Variants in UBE2K observed in about 807,000 individuals in gnomAD.
UBE2K encodes the protein ubiquitin conjugating enzyme E2 K, also known as ubiquitin-conjugating enzyme E2 K.
In UBE2K, 6 loss-of-function variants were observed where a neutral mutation model predicts 30.0. The observed-to-expected ratio is 0.20, with a 90% CI of 0.11 to 0.39. The LOEUF is 0.39. Ranked by LOEUF, UBE2K falls within the 10% of genes least tolerant of loss-of-function variation. UBE2K has a pLI of 1.00. For synonymous variants in UBE2K, 86 were observed against 83.7 expected (o/e 1.03, Z -0.15); for missense variants, 61 against 241.6 (o/e 0.25, Z 4.96).
chr4:39,774,741 A>C, intron 4 of UBE2K, 93 bp from the exon 5 acceptor site: 1 of 566,542 alleles, frequency 1.8e-6, no homozygotes, highest in Non-Finnish European at 2.8e-6. Flanking sequence ...AGTAACTTTT[A>C]GCTCTACAAT....
Position 39,777,810 on chromosome 4 carries a change from G to T in UBE2K, c.528G>T (p.Arg176Ser). 6.7e-7 allele frequency: 1 copy of T among 1,482,614 alleles called. No individual in the cohort carries two copies. The highest frequency in any genetic ancestry group is 8.9e-7 in the Non-Finnish European group (1 of 1,121,814). 91.8% of individuals were successfully genotyped at this position (1,482,614 alleles called of 1,614,324 possible). A position where few individuals can be genotyped will look rare whatever the true frequency, so the allele number is the denominator to read the frequency against. Residue 176 changes from arginine to serine, a missense_variant and splice_region_variant, in exon 6 of 7, where the codon AGG becomes AGT. Transcript: ENST00000261427. ...IENLCAMGFD[R>S]NAVIVALSSK... Reference sequence around the variant, plus strand: ...ACCTATGTGCTATGGGCTTTGATAGGGTAAGTACATAAGGGCATGTTGATT... The same window carrying T: ...ACCTATGTGCTATGGGCTTTGATAGTGTAAGTACATAAGGGCATGTTGATT...
chr4:39,738,402 TAGCCTTTGTCTTCAA>T (rs1360770309), intron 2 of UBE2K, among the ~76,000 whole-genome samples: 1 of 152,234 alleles, frequency 6.6e-6, no homozygotes, highest in Admixed American at 6.5e-5. Context: ...GCACAACTGA[TAGCCTTTGTCTTCAA>T]AGCCTGTGCT....
chr4:39,724,958 T>C (rs1223533682), intron 1 of UBE2K, among the ~76,000 whole-genome samples: 2 of 152,220 alleles, frequency 1.3e-5, no homozygotes, highest in Non-Finnish European at 2.9e-5. Flanking sequence ...CTTTGTTGTC[T>C]TGGGGTTCCT....
At chr4:39,736,244 C>T (rs1316165525) in intron 1 of UBE2K, among the ~76,000 whole-genome samples, 1 of 152,102 alleles carries the variant, frequency 6.6e-6, no homozygotes, top group East Asian at 1.9e-4. Context: ...GGGCGTATCG[C>T]GAGGTCAGGA....
rs911995337 is a variant in UBE2K at position 39,781,672 on chromosome 4, G to A, written c.*3238G>A. 2 of 357,508 alleles carry A rather than the reference G, an allele frequency of 5.6e-6. No homozygotes were observed. The highest frequency in any genetic ancestry group is 4.2e-5 in the African/African-American group (2 of 47,836). The allele number at this position is 357,508 out of a possible 1,614,324, so 22.1% of individuals were successfully genotyped here. A position where few individuals can be genotyped will look rare whatever the true frequency, so the allele number is the denominator to read the frequency against. The stretch of plus-strand genomic sequence containing the variant: ...AGATGGATTGGGGTAGGGAACAGCT[G>A]GAGCCAGGTATACCTTCTAGTATGT... On this transcript the variant is annotated 3_prime_UTR_variant, in exon 7 of 7. Transcript: ENST00000261427.
chr4:39,725,589 A>G (rs1243596058), intron 1 of UBE2K, among the ~76,000 whole-genome samples: 1 of 151,964 alleles, frequency 6.6e-6, no homozygotes, highest in Non-Finnish European at 1.5e-5. Context: ...CAGTTGGTTA[A>G]CCTCTGGTGA....
intron 1 of UBE2K, among the ~76,000 whole-genome samples, chr4:39,722,662 G>A (rs750924729): frequency 1.3e-4 from 20 of 151,352 alleles, no homozygotes; most frequent in East Asian, 2.0e-4. Flanking sequence ...CTGAGTACCC[G>A]GAGAAAACCC....
intron 1 of UBE2K, among the ~76,000 whole-genome samples, chr4:39,699,861 T>C (rs948719664): frequency 9.2e-5 from 14 of 152,190 alleles, no homozygotes; most frequent in African/African-American, 3.4e-4. Flanking sequence ...TGTTTGTTCA[T>C]ATGCCAAAAC....
intron 1 of UBE2K, among the ~76,000 whole-genome samples, chr4:39,723,400 G>A (rs1322085068): frequency 8.7e-6 from 1 of 115,520 alleles, no homozygotes; most frequent in Non-Finnish European, 1.7e-5. Context: ...ACTGAGTCTC[G>A]CCCTGTTGCC....
intron 1 of UBE2K, among the ~76,000 whole-genome samples, chr4:39,730,174 G>C (rs1406437607): frequency 1.3e-5 from 2 of 152,072 alleles, no homozygotes; most frequent in East Asian, 3.9e-4. Flanking sequence ...AAGTTTGACA[G>C]AAGTCCAGAA....
intron 1 of UBE2K, among the ~76,000 whole-genome samples, chr4:39,711,884 A>G (rs1297835977): frequency 6.6e-6 from 1 of 151,678 alleles, no homozygotes; most frequent in Non-Finnish European, 1.5e-5. Context: ...TACTAAAAAT[A>G]CAAAAAATTA....
At position 39,780,215 on chromosome 4, in the gene UBE2K, T is replaced by C. The variant is rs1713533564; in HGVS notation, c.*1781T>C. On this transcript the variant is annotated 3_prime_UTR_variant, in exon 7 of 7. Coordinates refer to ENST00000261427, the MANE Select transcript of UBE2K (RefSeq NM_005339.5). Reference sequence around the variant, plus strand: ...GAAACAAGATTTTTCTTTATTTATTTTAAATACCTGAAACCTCGTACTTTA... The same window carrying C: ...GAAACAAGATTTTTCTTTATTTATTCTAAATACCTGAAACCTCGTACTTTA... 1 of 152,204 alleles carries C rather than the reference T, an allele frequency of 6.6e-6. No individual in the cohort carries two copies. The highest frequency in any genetic ancestry group is 1.5e-5 in the Non-Finnish European group (1 of 68,010). The allele number at this position is 152,204 out of a possible 1,614,324, so 9.4% of individuals were successfully genotyped here.
intron 1 of UBE2K, among the ~76,000 whole-genome samples, chr4:39,718,789 G>A (rs1293085399): frequency 6.6e-6 from 1 of 152,242 alleles, no homozygotes; most frequent in Non-Finnish European, 1.5e-5. Context: ...CCAGTCGGCC[G>A]CTCAGAGTGC....
chr4:39,702,968 G>C (rs776321513), intron 1 of UBE2K, among the ~76,000 whole-genome samples: 5 of 152,020 alleles, frequency 3.3e-5, no homozygotes, highest in Non-Finnish European at 7.4e-5. Flanking sequence ...AATGTCCCCA[G>C]ACTGCCATAT....
In UBE2K at chr4:39,703,185, T is replaced by G. The variant is rs532573919; in HGVS notation, c.63+4795T>G. ...TTTTTATTTTTAGTAGAGACGGGGG[T>G]TTCACCATGTTGGCCAGGCTGGCCT... On this transcript the variant is annotated intron_variant, in intron 1 of 6. Coordinates refer to ENST00000261427, the MANE Select transcript of UBE2K (RefSeq NM_005339.5). Among the ~76,000 whole-genome samples, 21 of 151,878 alleles carry G rather than the reference T, an allele frequency of 1.4e-4. 1 individual carries two copies. The highest frequency in any genetic ancestry group is 8.3e-4 in the South Asian group (4 of 4,800).
At chr4:39,759,284 T>TA (rs1241675109) in intron 4 of UBE2K, among the ~76,000 whole-genome samples, 1 of 152,138 alleles carries the variant, frequency 6.6e-6, no homozygotes, top group African/African-American at 2.4e-5. Flanking sequence ...TTATTATTAT[T>TA]ATTTTTTTTT....
chr4:39,698,342 G>A lies in UBE2K; in HGVS notation c.15G>A (p.Ala5=). MANI[A]VQRIKREFKE... ...CGGGCGGAGACATGGCCAACATCGC[G>A]GTGCAGCGAATCAAGCGGGAGTTCA... The change falls in exon 1 of 7, where the codon GCG becomes GCA. Residue 5 remains alanine, a synonymous_variant. Coordinates refer to ENST00000261427, the MANE Select transcript of UBE2K (RefSeq NM_005339.5). 2.5e-6 allele frequency: 4 copies of A among 1,612,982 alleles called. No individual in the cohort carries two copies. Among genetic ancestry groups the A allele is most frequent in the Non-Finnish European group, 3.4e-6 (4 of 1,179,664 alleles).
In UBE2K at chr4:39,778,383, T is replaced by C; in HGVS notation, c.552T>C (p.Ser184=). The C allele has an allele frequency of 6.2e-7, 1 of 1,612,958 alleles. No homozygotes were observed. Among genetic ancestry groups the C allele is most frequent in the Non-Finnish European group, 8.5e-7 (1 of 1,179,406 alleles). Residue 184 remains serine, a synonymous_variant, in exon 7 of 7, where the codon TCT becomes TCC. Coordinates refer to ENST00000261427, the MANE Select transcript of UBE2K (RefSeq NM_005339.5). ...FDRNAVIVAL[S]SKSWDVETAT... is the part of the protein sequence containing the mutation. ...AGAATGCAGTAATAGTGGCCTTGTC[T>C]TCAAAATCATGGGATGTAGAGACTG...
intron 1 of UBE2K, among the ~76,000 whole-genome samples, chr4:39,709,305 T>C (rs763872775): frequency 6.6e-6 from 1 of 152,084 alleles, no homozygotes; most frequent in Non-Finnish European, 1.5e-5. Flanking sequence ...GATGTAAATA[T>C]GCCTCAAGAA....
Sources: allele counts gnomAD v4.1 joint callset (sites outside exome capture counted in the v4.1 genomes callset), GRCh38; gene constraint gnomAD v4.1.1; transcripts MANE v1.5; gene names NCBI Gene and HGNC (gene_info 2026-07-23, HGNC 2026-07-21).